The following CDH12 variants were observed in gnomAD, a reference collection of about 807,000 sequenced individuals.
CDH12 encodes cadherin 12, also known as cadherin-12.
CDH12 carries 41 observed loss-of-function variants against 74.1 expected under a neutral mutation model. The observed-to-expected ratio is 0.55, with a 90% CI of 0.43 to 0.72. The LOEUF (loss-of-function observed/expected upper bound fraction) is 0.72, where lower values mean the gene tolerates loss of function less well. CDH12 is among the 30% of genes least tolerant of loss of function. The pLI is 0.00. For synonymous variants in CDH12, 399 were observed against 355.0 expected (o/e 1.12, Z -1.39); for missense variants, 945 against 977.2 (o/e 0.97, Z 0.44).
At chr5:22,441,979 C>T (rs923163087) in intron 2 of CDH12, among the ~76,000 whole-genome samples, 2 of 152,116 alleles carry the variant, frequency 1.3e-5, no homozygotes, top group African/African-American at 2.4e-5. Context: ...GCTGGGATTA[C>T]AAGCATGAGC....
At chr5:22,032,743 A>T (rs1738903617) in intron 5 of CDH12, among the ~76,000 whole-genome samples, 2 of 138,016 alleles carry the variant, frequency 1.4e-5, no homozygotes, top group African/African-American at 5.9e-5. Context: ...TTTTGTATAT[A>T]TACATATTTA....
rs184201154 is a variant in CDH12 at position 22,691,905 on chromosome 5, G to A, written c.-523+161153C>T. ...TAGAAAGGAAGAGAAAAGGTAAGAGGAAAGAAATACATGTTTTTCTTTTCC... is the reference window on the plus strand; with the variant it reads ...TAGAAAGGAAGAGAAAAGGTAAGAGAAAAGAAATACATGTTTTTCTTTTCC... On this transcript the variant is annotated intron_variant, in intron 1 of 14. Coordinates refer to ENST00000382254, the MANE Select transcript of CDH12 (RefSeq NM_004061.5). Among the ~76,000 whole-genome samples, 27 of 152,212 alleles carry A rather than the reference G, an allele frequency of 1.8e-4. 1 individual carries two copies. Among genetic ancestry groups the A allele is most frequent in the African/African-American group, 6.3e-4 (26 of 41,520 alleles).
chr5:21,991,369 G>A (rs1757741761), intron 5 of CDH12, among the ~76,000 whole-genome samples: 2 of 151,528 alleles, frequency 1.3e-5, no homozygotes, highest in Admixed American at 6.6e-5. Flanking sequence ...ATTTGTGCAT[G>A]TGTATGAAGA....
At chr5:22,815,496 G>A (rs1295157466) in intron 1 of CDH12, among the ~76,000 whole-genome samples, 1 of 152,132 alleles carries the variant, frequency 6.6e-6, no homozygotes, top group Admixed American at 6.5e-5. Flanking sequence ...TGGACCGGGC[G>A]CAGTGGCTCA....
intron 4 of CDH12, among the ~76,000 whole-genome samples, chr5:22,108,856 G>T (rs902677590): frequency 3.3e-5 from 5 of 152,098 alleles, no homozygotes; most frequent in Non-Finnish European, 7.3e-5. Flanking sequence ...CACTGATCCA[G>T]GTTTTTTCAG....
intron 1 of CDH12, among the ~76,000 whole-genome samples, chr5:22,602,586 C>T (rs1348146475): frequency 6.6e-6 from 1 of 152,052 alleles, no homozygotes; most frequent in Non-Finnish European, 1.5e-5. Context: ...CAAGAAAAGA[C>T]ATGAGTGAGA....
intron 2 of CDH12, among the ~76,000 whole-genome samples, chr5:22,494,174 G>A (rs1747006996): frequency 6.6e-6 from 1 of 152,230 alleles, no homozygotes; most frequent in South Asian, 2.1e-4. Flanking sequence ...ACTAAAAAAT[G>A]TCGAATCTGA....
chr5:21,865,627 AG>A (rs1176118543), intron 6 of CDH12, among the ~76,000 whole-genome samples: 4 of 152,130 alleles, frequency 2.6e-5, no homozygotes, highest in East Asian at 3.9e-4. Context: ...AAGTGGGCCC[AG>A]GGGAGCTTTG....
At chr5:22,131,960 A>G (rs1197201760) in intron 4 of CDH12, among the ~76,000 whole-genome samples, 1 of 152,116 alleles carries the variant, frequency 6.6e-6, no homozygotes, top group African/African-American at 2.4e-5. Context: ...AAAGCTATGG[A>G]AAGGAAAACT....
chr5:21,850,419 A>G (rs948477269), intron 7 of CDH12, among the ~76,000 whole-genome samples: 19 of 151,524 alleles, frequency 1.3e-4, no homozygotes, highest in Non-Finnish European at 2.5e-4. Flanking sequence ...CTCTTATGAC[A>G]GCATGTTATA....
intron 2 of CDH12, among the ~76,000 whole-genome samples, chr5:22,495,960 T>A (rs1351258365): frequency 6.6e-6 from 1 of 152,204 alleles, no homozygotes; most frequent in East Asian, 1.9e-4. Flanking sequence ...TGGTTTCTTA[T>A]AGACCAGGCA....
At position 22,292,205 on chromosome 5, in the gene CDH12, G is replaced by A. The variant is rs1737417283; in HGVS notation, c.-332-79562C>T. On this transcript the variant is annotated intron_variant, in intron 3 of 14. Transcript: ENST00000382254. ...ACTGTATGCAAAAGCCAACTCAACAGGGATTAAAGAATTAATTACAAGACC... is the reference window on the plus strand; with the variant it reads ...ACTGTATGCAAAAGCCAACTCAACAAGGATTAAAGAATTAATTACAAGACC... 2.0e-5 allele frequency among the ~76,000 whole-genome samples: 3 copies of A among 152,102 alleles called. No individual in the cohort carries two copies. The South Asian group carries it at 6.2e-4, about 32-fold the overall frequency.
At chr5:22,220,991 T>TACACACAC (rs546225606) in intron 3 of CDH12, among the ~76,000 whole-genome samples, 49 of 150,274 alleles carry the variant, frequency 3.3e-4, no homozygotes, top group African/African-American at 1.1e-3. Context: ...CTTCATCAAA[T>TACACACAC]ACACACACAC....
chr5:22,218,292 A>C (rs971011918), intron 3 of CDH12, among the ~76,000 whole-genome samples: 1 of 151,716 alleles, frequency 6.6e-6, no homozygotes, highest in Non-Finnish European at 1.5e-5. Context: ...ACAACTAGAC[A>C]CAAATGACTG....
At chr5:22,483,748 C>A (rs1205075784) in intron 2 of CDH12, among the ~76,000 whole-genome samples, 91 of 22,756 alleles carry the variant, frequency 4.0e-3, no homozygotes, top group Admixed American at 6.3e-3. Flanking sequence ...TCTTTCAAAA[C>A]TATATATATA....
intron 6 of CDH12, among the ~76,000 whole-genome samples, chr5:21,909,220 C>G (rs1753763659): frequency 6.6e-6 from 1 of 152,076 alleles, no homozygotes; most frequent in Non-Finnish European, 1.5e-5. Context: ...GTGGCACCTC[C>G]AGTAATGATT....
At chr5:22,733,505 G>A (rs1452643757) in intron 1 of CDH12, among the ~76,000 whole-genome samples, 5 of 149,294 alleles carry the variant, frequency 3.3e-5, no homozygotes, top group African/African-American at 1.2e-4. Context: ...CTCCCACCAA[G>A]TTTTCTTCTT....
intron 1 of CDH12, among the ~76,000 whole-genome samples, chr5:22,837,140 C>A (rs1225528694): frequency 6.6e-6 from 1 of 151,960 alleles, no homozygotes; most frequent in East Asian, 1.9e-4. Flanking sequence ...CCCAAATAGG[C>A]AGGTATGGTG....
chr5:22,512,900 A>G (rs573769840), intron 1 of CDH12, among the ~76,000 whole-genome samples: 26 of 152,212 alleles, frequency 1.7e-4, no homozygotes, highest in African/African-American at 6.0e-4. Flanking sequence ...CATCTCTACT[A>G]AAAATACAAA....
Sources: allele counts gnomAD v4.1 joint callset (sites outside exome capture counted in the v4.1 genomes callset), GRCh38; gene constraint gnomAD v4.1.1; transcripts MANE v1.5; gene names NCBI Gene and HGNC (gene_info 2026-07-23, HGNC 2026-07-21).